The following ADAM12 variants were observed in gnomAD, a reference collection of about 807,000 sequenced individuals.
The protein encoded by ADAM12 is ADAM metallopeptidase domain 12.
Under a neutral mutation model 106.4 loss-of-function variants are expected in ADAM12, and 70 were observed. The ratio of observed to expected loss-of-function variants is 0.66; its 90% CI spans 0.54 to 0.80. ADAM12 has a LOEUF of 0.80. Ranked by LOEUF, ADAM12 falls within the 30% of genes least tolerant of loss-of-function variation. The pLI is 0.00. For missense variants in ADAM12, 1,010 were observed against 1,171.9 expected (o/e 0.86, Z 2.02); for synonymous variants, 420 against 433.5 (o/e 0.97, Z 0.39).
At chr10:126,124,899 A>AAC (rs1433844321) in intron 5 of ADAM12, among the ~76,000 whole-genome samples, 2 of 150,014 alleles carry the variant, frequency 1.3e-5, no homozygotes, top group African/African-American at 4.9e-5. Flanking sequence ...CCGTCTCAAA[A>AAC]AAAAAAAAAA....
At chr10:126,336,131 T>C (rs1457215540) in intron 1 of ADAM12, among the ~76,000 whole-genome samples, 1 of 152,164 alleles carries the variant, frequency 6.6e-6, no homozygotes, top group Non-Finnish European at 1.5e-5. Flanking sequence ...ACTATGCAAA[T>C]ATTGGTTTAC....
chr10:126,195,208 T>C (rs989939667), intron 3 of ADAM12, among the ~76,000 whole-genome samples: 101 of 152,288 alleles, frequency 6.6e-4, no homozygotes, highest in African/African-American at 2.2e-3. Flanking sequence ...TACCAGTGTA[T>C]CACATTCTGG....
chr10:126,209,875 G>A (rs1286263507), intron 3 of ADAM12, among the ~76,000 whole-genome samples: 1 of 152,186 alleles, frequency 6.6e-6, no homozygotes, highest in East Asian at 1.9e-4. Context: ...CTGGACCCAT[G>A]AAAAGCTCAA....
At chr10:126,309,419 G>A (rs541282632) in intron 2 of ADAM12, among the ~76,000 whole-genome samples, 8 of 152,236 alleles carry the variant, frequency 5.3e-5, no homozygotes, top group African/African-American at 1.7e-4. Context: ...AAATGCCCCT[G>A]GACTTTGGGT....
At chr10:126,045,977 C>A in intron 17 of ADAM12, 78 bp downstream of exon 17, 3 of 1,349,184 alleles carry the variant, frequency 2.2e-6, no homozygotes, top group Non-Finnish European at 3.2e-6. Context: ...CTATGGATTG[C>A]AAAACCTTTT....
intron 18 of ADAM12, chr10:126,041,600 G>A: frequency 2.0e-6 from 2 of 986,374 alleles, no homozygotes; most frequent in Non-Finnish European, 2.4e-6. Context: ...CTTGGATGGA[G>A]ATGGAATGGG....
At chr10:126,097,981 A>G (rs964189516) in intron 10 of ADAM12, among the ~76,000 whole-genome samples, 1 of 152,246 alleles carries the variant, frequency 6.6e-6, no homozygotes, top group African/African-American at 2.4e-5. Context: ...GTAAAAAGCT[A>G]AAAACCTCAG....
intron 1 of ADAM12, among the ~76,000 whole-genome samples, chr10:126,349,892 T>C (rs1177369165): frequency 6.6e-6 from 1 of 152,236 alleles, no homozygotes; most frequent in Non-Finnish European, 1.5e-5. Flanking sequence ...TATGCTGGCT[T>C]GCTCTTCAGG....
intron 21 of ADAM12, among the ~76,000 whole-genome samples, chr10:126,024,544 TTAA>T (rs1200708572): frequency 2.0e-5 from 3 of 152,200 alleles, no homozygotes; most frequent in Non-Finnish European, 4.4e-5. Flanking sequence ...AGGAAAGTTC[TTAA>T]TAATATTTTC....
At chr10:126,190,730 T>C (rs1957483822) in intron 3 of ADAM12, among the ~76,000 whole-genome samples, 1 of 152,116 alleles carries the variant, frequency 6.6e-6, no homozygotes, top group Admixed American at 6.5e-5. Context: ...CAGACCTCTT[T>C]GAAGTGATGC....
At chr10:126,248,682 TATG>T in intron 3 of ADAM12, among the ~76,000 whole-genome samples, 5 of 31,068 alleles carry the variant, frequency 1.6e-4, no homozygotes, top group African/African-American at 6.5e-4. Flanking sequence ...TGTATGTATG[TATG>T]TATTTATTTA....
intron 8 of ADAM12, among the ~76,000 whole-genome samples, chr10:126,102,696 C>T (rs1468062845): frequency 6.6e-6 from 1 of 152,226 alleles, no homozygotes; most frequent in Non-Finnish European, 1.5e-5. Context: ...ACAGACATTA[C>T]ATTAATGAGT....
chr10:126,353,092 G>A (rs866265624), intron 1 of ADAM12, among the ~76,000 whole-genome samples: 4 of 152,132 alleles, frequency 2.6e-5, no homozygotes, highest in Admixed American at 1.3e-4. Flanking sequence ...AGCATCTCCT[G>A]CATACCAAAT....
chr10:126,034,986 G>C (rs1410332399), intron 21 of ADAM12, among the ~76,000 whole-genome samples: 2 of 152,124 alleles, frequency 1.3e-5, no homozygotes, highest in Non-Finnish European at 1.5e-5. Flanking sequence ...AAACAACAGA[G>C]CTTCAAAATA....
intron 3 of ADAM12, among the ~76,000 whole-genome samples, chr10:126,158,283 A>G (rs28557285): frequency 0.39 from 42,838 of 109,270 alleles, 10,713 homozygotes; most frequent in South Asian, 0.59. Context: ...GAATGCACAG[A>G]GCACCGGGAG....
rs1208140280 is a variant in ADAM12, at chr10:126,013,165, AC to A, written c.*4113del. 6.6e-6 allele frequency: 1 copy of A among 152,230 alleles called. No individual in the cohort carries two copies. Among genetic ancestry groups the A allele is most frequent in the Non-Finnish European group, 1.5e-5 (1 of 68,042 alleles). The allele number at this position is 152,230 out of a possible 1,614,324, so 9.4% of individuals were successfully genotyped here. On this transcript the variant is annotated 3_prime_UTR_variant, in exon 23 of 23. Transcript: ENST00000448723. This position sits in a 1 kb window ranked among gnomAD's most constrained non-coding sequence, Gnocchi z 4.3. ...TCTCATATGAAACTGTAATGGCTGTACTAGAAGCTGCCATTACTGTTCCAAA... is the reference window on the plus strand; with the variant it reads ...TCTCATATGAAACTGTAATGGCTGTATAGAAGCTGCCATTACTGTTCCAAA...
At chr10:126,378,767 T>C (rs1856387351) in intron 1 of ADAM12, among the ~76,000 whole-genome samples, 1 of 152,206 alleles carries the variant, frequency 6.6e-6, no homozygotes, top group African/African-American at 2.4e-5. Flanking sequence ...AATATGGGTG[T>C]ATAACTTATT....
chr10:126,108,803 C>T, intron 7 of ADAM12, 139 bp from the exon 8 acceptor site: 1 of 738,092 alleles, frequency 1.4e-6, no homozygotes, highest in Non-Finnish European at 2.2e-6. Flanking sequence ...AATGAGCTTG[C>T]ATCCTGCCGA....
chr10:126,108,761 A>G, intron 7 of ADAM12, 97 bp from the exon 8 acceptor site: 1 of 1,118,388 alleles, frequency 8.9e-7, no homozygotes, highest in Non-Finnish European at 1.3e-6. Flanking sequence ...GGATTTTACA[A>G]ACCACTGGGG....
Sources: gnomAD v4.1 joint callset for allele counts (sites outside exome capture counted in the v4.1 genomes callset) on GRCh38, gnomAD v4.1.1 for gene constraint, Gnocchi (gnomAD v3.1) non-coding constraint, MANE v1.5 for transcripts, NCBI Gene and HGNC (gene_info 2026-07-23, HGNC 2026-07-21) for gene names.